Variants in CCDC122 observed in about 807,000 individuals in gnomAD.
CCDC122 encodes the protein coiled-coil domain containing 122.
CCDC122 carries 38 observed loss-of-function variants against 37.0 expected under a neutral mutation model. The ratio of observed to expected loss-of-function variants is 1.03; its 90% CI spans 0.79 to 1.35. CCDC122 has a LOEUF of 1.35. CCDC122 is among the 40% of genes most tolerant of loss of function. CCDC122 has a pLI of 0.00. For missense variants in CCDC122, 305 were observed against 310.0 expected (o/e 0.98, Z 0.12); for synonymous variants, 83 against 95.6 (o/e 0.87, Z 0.77).
chr13:43,875,702 GC>G (rs1566957058), intron 1 of CCDC122, among the ~76,000 whole-genome samples: 1 of 152,100 alleles, frequency 6.6e-6, no homozygotes, highest in Non-Finnish European at 1.5e-5. Context: ...TTAATAACTG[GC>G]ATCTTCCCTA....
downstream of CCDC122, among the ~76,000 whole-genome samples, chr13:43,819,872 T>C (rs12583143): frequency 0.15 from 23,363 of 152,080 alleles, 1,925 homozygotes; most frequent in South Asian, 0.24. Flanking sequence ...AAATGTGATT[T>C]CTAAAAATAT....
At chr13:43,858,485 C>A (rs1953999869) in intron 6 of CCDC122, 2 of 164,700 alleles carry the variant, frequency 1.2e-5, no homozygotes, top group South Asian at 3.6e-4. Flanking sequence ...TGCTTTCTAG[C>A]CATTAATTGG....
At chr13:43,857,305 T>G (rs1310931475) in intron 6 of CCDC122, among the ~76,000 whole-genome samples, 1 of 152,182 alleles carries the variant, frequency 6.6e-6, no homozygotes, top group East Asian at 1.9e-4. Context: ...TGATGGTATA[T>G]TCCCATAATC....
At chr13:43,861,284 T>G (rs1954097826) in intron 4 of CCDC122, among the ~76,000 whole-genome samples, 1 of 152,154 alleles carries the variant, frequency 6.6e-6, no homozygotes, top group African/African-American at 2.4e-5. Context: ...CAGTCACAAC[T>G]GATAACACCC....
chr13:43,829,388 C>A (rs1953068170), intron 3 of CCDC122, among the ~76,000 whole-genome samples: 1 of 152,108 alleles, frequency 6.6e-6, no homozygotes, highest in Non-Finnish European at 1.5e-5. Context: ...TCACTGCAAC[C>A]TCCGCCTCCC....
At chr13:43,832,937 T>G (rs1453714942), downstream of CCDC122, among the ~76,000 whole-genome samples, 1 of 152,240 alleles carries the variant, frequency 6.6e-6, no homozygotes, top group Non-Finnish European at 1.5e-5. Flanking sequence ...GCATACTCAG[T>G]ACCTTATCAT....
intron 6 of CCDC122, among the ~76,000 whole-genome samples, chr13:43,842,926 TCTTAAGATTTTCTACATAAACAATTATG>T (rs1953404052): frequency 6.6e-6 from 1 of 152,072 alleles, no homozygotes. Flanking sequence ...CTTTTCTATT[TCTTAAGATTTTCTACATAAACAATTATG>T]CTATCTGTGA....
In CCDC122 at chr13:43,845,625, T is replaced by C. The variant is rs533386503; in HGVS notation, c.673-8196A>G. Among the ~76,000 whole-genome samples, 4 of 152,322 alleles carry C rather than the reference T, an allele frequency of 2.6e-5. No individual in the cohort carries two copies. In the East Asian group the frequency reaches 7.7e-4, roughly 29 times the overall value. ...TACTGGGGAGGCTGAGGCAGGAGAA[T>C]TGCTGGAGCCCGGGAGGCAGAGGCT... On this transcript the variant is annotated intron_variant, in intron 6 of 6. Transcript: ENST00000444614.
chr13:43,858,282 GCAC>G (rs1953991003), intron 6 of CCDC122: 1 of 152,216 alleles, frequency 6.6e-6, no homozygotes, highest in African/African-American at 2.4e-5. Flanking sequence ...TCCACAGGCA[GCAC>G]CACAACACAT....
At chr13:43,841,282 G>A (rs1953342266) in intron 6 of CCDC122, among the ~76,000 whole-genome samples, 1 of 152,058 alleles carries the variant, frequency 6.6e-6, no homozygotes, top group African/African-American at 2.4e-5. Context: ...ACATACAGCA[G>A]GTATATGCTA....
chr13:43,833,397 C>G (rs1364787413), downstream of CCDC122, among the ~76,000 whole-genome samples: 4 of 152,116 alleles, frequency 2.6e-5, no homozygotes, highest in East Asian at 5.8e-4. Flanking sequence ...ACAGTAGAAA[C>G]AGTATTCTTG....
Position 43,847,793 on chromosome 13 carries a change from G to C in CCDC122, c.673-10364C>G, listed in dbSNP as rs145257270. On this transcript the variant is annotated intron_variant, in intron 6 of 6. Transcript: ENST00000444614. ...TCTGGGTTTTTCTTTTCCCTTTGTTGAGACAGGGTCTTGCTCTGTTGCCTA... is the reference window on the plus strand; with the variant it reads ...TCTGGGTTTTTCTTTTCCCTTTGTTCAGACAGGGTCTTGCTCTGTTGCCTA... Among the ~76,000 whole-genome samples the C allele has an allele frequency of 3.1e-4, 47 of 151,342 alleles. No individual in the cohort carries two copies. The East Asian group carries it at 7.0e-3, about 23-fold the overall frequency.
chr13:43,835,269 A>G (rs1449786276), downstream of CCDC122, among the ~76,000 whole-genome samples: 3 of 152,138 alleles, frequency 2.0e-5, no homozygotes, highest in Non-Finnish European at 4.4e-5. Context: ...ATGAGAACAC[A>G]TGGACACAGG....
At chr13:43,851,662 G>A (rs1404477625) in intron 6 of CCDC122, among the ~76,000 whole-genome samples, 5 of 152,206 alleles carry the variant, frequency 3.3e-5, no homozygotes, top group African/African-American at 4.8e-5. Flanking sequence ...GCACAAACAA[G>A]AATGGATCCT....
intron 2 of CCDC122, among the ~76,000 whole-genome samples, chr13:43,869,978 T>G (rs1403983100): frequency 6.6e-6 from 1 of 152,024 alleles, no homozygotes; most frequent in African/African-American, 2.4e-5. Flanking sequence ...TATTTAGGAG[T>G]AATGATAGGA....
At chr13:43,826,150 ATTAAG>A (rs148109270) in intron 3 of CCDC122, among the ~76,000 whole-genome samples, 2,160 of 152,266 alleles carry the variant, frequency 0.014, 15 homozygotes, top group Middle Eastern at 0.024. Context: ...TATGCACATT[ATTAAG>A]TTATTTTTCC....
intron 5 of CCDC122, 33 bp downstream of exon 5, chr13:43,859,639 G>C: frequency 6.9e-7 from 1 of 1,440,982 alleles, no homozygotes; most frequent in Non-Finnish European, 9.2e-7. Context: ...AGGAGTAATA[G>C]AAAAAATAGT....
downstream of CCDC122, among the ~76,000 whole-genome samples, chr13:43,820,012 A>G (rs984168973): frequency 2.6e-5 from 4 of 152,128 alleles, no homozygotes; most frequent in African/African-American, 9.7e-5. Flanking sequence ...GAAACAATAA[A>G]TATTTGTATT....
chr13:43,823,502 C>CA (rs1953011307), downstream of CCDC122, among the ~76,000 whole-genome samples: 1 of 152,214 alleles, frequency 6.6e-6, no homozygotes, highest in African/African-American at 2.4e-5. Flanking sequence ...AAGGCCAGCC[C>CA]AGCACTAGGC....
Sources: allele counts gnomAD v4.1 joint callset (sites outside exome capture counted in the v4.1 genomes callset), GRCh38; gene constraint gnomAD v4.1.1; transcripts MANE v1.5; gene names NCBI Gene and HGNC (gene_info 2026-07-23, HGNC 2026-07-21).